Variants in HTR2C observed in about 807,000 individuals in gnomAD.
HTR2C encodes the protein 5-hydroxytryptamine receptor 2C.
A neutral mutation model predicts 21.0 loss-of-function variants in HTR2C; 5 were observed. The observed-to-expected ratio is 0.24, with a 90% CI of 0.12 to 0.50. HTR2C has a LOEUF of 0.50. Ranked by LOEUF, HTR2C falls within the 20% of genes least tolerant of loss-of-function variation. The probability of loss-of-function intolerance (pLI) is 0.98; values close to 1 mark genes in which losing one functional copy is unlikely to be tolerated. For synonymous variants in HTR2C, 150 were observed against 145.3 expected, an observed-to-expected ratio of 1.03 and a Z score of -0.23; for missense variants, 271 against 371.2, an observed-to-expected ratio of 0.73 and a Z score of 2.22.
chrX:114,704,568 A>G (rs1446265202), intron 2 of HTR2C, among the ~76,000 whole-genome samples: 1 of 111,829 alleles, frequency 8.9e-6, no homozygotes, highest in Non-Finnish European at 1.9e-5. Context: ...CAAAATAGTA[A>G]GAGCTATCTA....
chrX:114,770,745 T>G (rs1235550581), intron 4 of HTR2C, among the ~76,000 whole-genome samples: 1 of 109,518 alleles, frequency 9.1e-6, no homozygotes, highest in African/African-American at 3.3e-5. Context: ...ATTGACTTCT[T>G]TAATTCCTGC....
chrX:114,830,592 T>TTTATTTA, intron 4 of HTR2C, among the ~76,000 whole-genome samples: 1 of 107,126 alleles, frequency 9.3e-6, no homozygotes, highest in African/African-American at 3.4e-5. Context: ...CTTTTTATTT[T>TTTATTTA]TTTATTTATT....
chrX:114,728,065 A>T (rs782497748), intron 3 of HTR2C, among the ~76,000 whole-genome samples: 1 of 112,403 alleles, frequency 8.9e-6, no homozygotes, highest in Non-Finnish European at 1.9e-5. Flanking sequence ...TAAAGAATTC[A>T]TATACAATTG....
chrX:114,767,326 C>G (rs1556435504), intron 4 of HTR2C, among the ~76,000 whole-genome samples: 3 of 110,910 alleles, frequency 2.7e-5, no homozygotes, highest in Non-Finnish European at 1.9e-5. Flanking sequence ...TTTCCTTATT[C>G]TAGATCATAT....
intron 4 of HTR2C, among the ~76,000 whole-genome samples, chrX:114,750,721 A>G (rs2069753283): frequency 1.8e-5 from 2 of 112,371 alleles, no homozygotes; most frequent in Admixed American, 1.9e-4. Flanking sequence ...GTAGAGTAGG[A>G]ATTTTAAACT....
intron 2 of HTR2C, among the ~76,000 whole-genome samples, chrX:114,692,315 A>G (rs1212911867): frequency 3.6e-5 from 4 of 112,038 alleles, no homozygotes; most frequent in Non-Finnish European, 7.5e-5. Flanking sequence ...TGCCTAATAT[A>G]AGACAATTAG....
At chrX:114,847,080 G>A (rs1479305793) in intron 4 of HTR2C, among the ~76,000 whole-genome samples, 1 of 111,208 alleles carries the variant, frequency 9.0e-6, no homozygotes, top group African/African-American at 3.3e-5. Context: ...GAAGAATTAA[G>A]TATTGATACA....
At chrX:114,854,522 C>A (rs2070943713) in intron 5 of HTR2C, among the ~76,000 whole-genome samples, 3 of 110,391 alleles carry the variant, frequency 2.7e-5, no homozygotes, top group Non-Finnish European at 5.7e-5. Flanking sequence ...CGGTAACGTA[C>A]AATGTACCCA....
intron 4 of HTR2C, among the ~76,000 whole-genome samples, chrX:114,752,836 A>C (rs1431336486): frequency 9.0e-6 from 1 of 110,532 alleles, no homozygotes; most frequent in Non-Finnish European, 1.9e-5. Flanking sequence ...ATTGTTTCAA[A>C]ATATTTCTAA....
chrX:114,784,179 T>C (rs1486407941), intron 4 of HTR2C, among the ~76,000 whole-genome samples: 1 of 100,722 alleles, frequency 9.9e-6, no homozygotes, highest in African/African-American at 3.6e-5. Flanking sequence ...ACTAGATTGA[T>C]TAATAGAGAA....
At chrX:114,837,241 C>T (rs1396555779) in intron 4 of HTR2C, among the ~76,000 whole-genome samples, 1 of 111,759 alleles carries the variant, frequency 8.9e-6, no homozygotes, top group Non-Finnish European at 1.9e-5. Flanking sequence ...CTTATTTATT[C>T]AAAGAATCTG....
chrX:114,804,654 C>G (rs1274131334), intron 4 of HTR2C, among the ~76,000 whole-genome samples: 1 of 111,744 alleles, frequency 8.9e-6, no homozygotes, highest in African/African-American at 3.2e-5. Context: ...TATCAGTGAT[C>G]TTAAGTGGCA....
At chrX:114,744,456 CTTTT>C (rs782167644) in intron 4 of HTR2C, among the ~76,000 whole-genome samples, 2 of 94,574 alleles carry the variant, frequency 2.1e-5, no homozygotes. Flanking sequence ...AAAGCTCATT[CTTTT>C]TTTTTTTTTT....
intron 1 of HTR2C, among the ~76,000 whole-genome samples, chrX:114,594,428 T>C (rs1460925666): frequency 1.8e-5 from 2 of 111,215 alleles, no homozygotes; most frequent in African/African-American, 6.5e-5. Context: ...AAATGTTTAA[T>C]ACATATATAG....
chrX:114,873,531 C>T (rs782050703), intron 5 of HTR2C, among the ~76,000 whole-genome samples: 96 of 111,875 alleles, frequency 8.6e-4, no homozygotes, highest in African/African-American at 2.7e-3. Context: ...ATCAGTACAA[C>T]ACCTGAATAC....
chrX:114,854,868 TCAA>T (rs781919333), intron 5 of HTR2C, among the ~76,000 whole-genome samples: 1 of 111,099 alleles, frequency 9.0e-6, no homozygotes, highest in East Asian at 2.8e-4. Flanking sequence ...CTCAAACAAC[TCAA>T]CAACAACAAA....
At chrX:114,870,682 C>A (rs1460664240) in intron 5 of HTR2C, among the ~76,000 whole-genome samples, 2 of 111,009 alleles carry the variant, frequency 1.8e-5, no homozygotes, top group African/African-American at 6.6e-5. Context: ...TTGTCCATTT[C>A]TTCCAGATTT....
chrX:114,762,522 G>A (rs1232595075), intron 4 of HTR2C, among the ~76,000 whole-genome samples: 1 of 111,588 alleles, frequency 9.0e-6, no homozygotes, highest in Non-Finnish European at 1.9e-5. Context: ...ATAACTAGAG[G>A]TCATTCTCAA....
intron 4 of HTR2C, among the ~76,000 whole-genome samples, chrX:114,804,974 G>A (rs2070387383): frequency 9.0e-6 from 1 of 111,444 alleles, no homozygotes; most frequent in Admixed American, 9.6e-5. Flanking sequence ...TATCTTTGGT[G>A]AAAAAGTATG....
Sources: allele counts gnomAD v4.1 joint callset (sites outside exome capture counted in the v4.1 genomes callset), GRCh38; gene constraint gnomAD v4.1.1; transcripts MANE v1.5; gene names NCBI Gene and HGNC (gene_info 2026-07-23, HGNC 2026-07-21).